Variants in COL28A1 observed in about 807,000 individuals in gnomAD.
COL28A1 encodes the protein collagen type XXVIII alpha 1 chain, also known as collagen alpha-1(XXVIII) chain.
A neutral mutation model predicts 150.2 loss-of-function variants in COL28A1; 161 were observed. The observed-to-expected ratio is 1.07, with a 90% CI of 0.94 to 1.22. The LOEUF is 1.22. Ranked by LOEUF, COL28A1 falls within the 50% of genes most tolerant of loss-of-function variation. The probability of loss-of-function intolerance (pLI) is 0.00; values close to 1 mark genes in which losing one functional copy is unlikely to be tolerated. For missense variants in COL28A1, 1,617 were observed against 1,388.3 expected, an observed-to-expected ratio of 1.16 and a Z score of -2.62; for synonymous variants, 552 against 469.7, an observed-to-expected ratio of 1.18 and a Z score of -2.26.
chr7:7,435,240 G>A (rs1281566847), intron 23 of COL28A1, among the ~76,000 whole-genome samples: 4 of 152,098 alleles, frequency 2.6e-5, no homozygotes, highest in East Asian at 1.9e-4. Context: ...TGTATAAATC[G>A]GATTGTGAAT....
intron 27 of COL28A1, among the ~76,000 whole-genome samples, chr7:7,389,371 C>T (rs1353073012): frequency 6.6e-6 from 1 of 152,138 alleles, no homozygotes; most frequent in African/African-American, 2.4e-5. Context: ...TGTTTTGGTA[C>T]CAATACCATG....
chr7:7,518,668 T>C (rs1419167364), intron 6 of COL28A1, among the ~76,000 whole-genome samples: 2 of 152,192 alleles, frequency 1.3e-5, no homozygotes, highest in Admixed American at 1.3e-4. Flanking sequence ...ACTGCCACAT[T>C]GCTATCACTA....
At chr7:7,416,570 A>C (rs936708441) in intron 27 of COL28A1, among the ~76,000 whole-genome samples, 2 of 152,236 alleles carry the variant, frequency 1.3e-5, no homozygotes, top group Non-Finnish European at 2.9e-5. Flanking sequence ...CACAGAATTT[A>C]AAGATTAAGT....
chr7:7,515,737 T>C (rs1583548824), intron 8 of COL28A1, 77 bp downstream of exon 8: 1 of 783,038 alleles, frequency 1.3e-6, no homozygotes, highest in East Asian at 2.4e-5. Flanking sequence ...ATAACTTTTA[T>C]TAAGTTCCTA....
chr7:7,423,634 T>C (rs909060823), intron 25 of COL28A1, among the ~76,000 whole-genome samples: 1 of 152,148 alleles, frequency 6.6e-6, no homozygotes, highest in Non-Finnish European at 1.5e-5. Flanking sequence ...AAGAAAAAAT[T>C]TGACACTGTA....
chr7:7,353,717 C>T (rs1393020723), downstream of COL28A1, among the ~76,000 whole-genome samples: 1 of 152,110 alleles, frequency 6.6e-6, no homozygotes, highest in African/African-American at 2.4e-5. Context: ...GGGACAAACA[C>T]CCAAGTCAAC....
At chr7:7,347,488 C>A in the COL28A1 span, among the ~76,000 whole-genome samples, 5 of 152,120 alleles carry the variant, frequency 3.3e-5, no homozygotes, top group African/African-American at 1.2e-4. Context: ...GTTCCTCTCT[C>A]TTCTGGCTAC....
At chr7:7,542,736 A>T in the COL28A1 span, among the ~76,000 whole-genome samples, 2 of 152,200 alleles carry the variant, frequency 1.3e-5, no homozygotes, top group Non-Finnish European at 2.9e-5. Context: ...CTTTCATGCT[A>T]GGAAAATCAC....
the COL28A1 span, among the ~76,000 whole-genome samples, chr7:7,340,446 A>G: frequency 1.3e-5 from 2 of 152,074 alleles, no homozygotes; most frequent in African/African-American, 4.8e-5. Flanking sequence ...TAAACTTTCC[A>G]GCTCACTGTG....
At chr7:7,443,486 T>A in intron 20 of COL28A1, 99 bp downstream of exon 20, 2 of 1,545,280 alleles carry the variant, frequency 1.3e-6, no homozygotes, top group Admixed American at 1.9e-5. Context: ...CATAAACACA[T>A]TGACATAGTA....
At chr7:7,497,094 A>AAAAGAAGG (rs1780256477) in intron 11 of COL28A1, among the ~76,000 whole-genome samples, 1 of 123,770 alleles carries the variant, frequency 8.1e-6, no homozygotes, top group South Asian at 3.0e-4. Flanking sequence ...AGGAAGGAAG[A>AAAAGAAGG]AAGGAAGGAA....
intron 19 of COL28A1, 99 bp from the exon 20 acceptor site, chr7:7,443,752 A>AG: frequency 6.6e-7 from 1 of 1,509,702 alleles, no homozygotes; most frequent in Non-Finnish European, 8.9e-7. Context: ...GATTCAGCTG[A>AG]GACTCTCCAA....
intron 21 of COL28A1, among the ~76,000 whole-genome samples, chr7:7,438,143 T>A (rs963332086): frequency 2.2e-4 from 34 of 151,386 alleles, no homozygotes; most frequent in Non-Finnish European, 8.8e-5. Context: ...TCCCAGCTAC[T>A]CAAGAGGCTG....
chr7:7,460,192 T>G (rs1482240953), intron 15 of COL28A1, among the ~76,000 whole-genome samples: 1 of 152,222 alleles, frequency 6.6e-6, no homozygotes, highest in African/African-American at 2.4e-5. Context: ...TCGTATGTGG[T>G]CTTCCTTCCT....
intron 27 of COL28A1, among the ~76,000 whole-genome samples, chr7:7,384,316 T>C (rs1782060100): frequency 6.6e-6 from 1 of 152,196 alleles, no homozygotes; most frequent in African/African-American, 2.4e-5. Context: ...GCTTCCTCTG[T>C]TAGTTGCTTA....
intron 11 of COL28A1, among the ~76,000 whole-genome samples, chr7:7,500,702 G>A (rs1480662560): frequency 6.6e-6 from 1 of 150,796 alleles, no homozygotes; most frequent in Non-Finnish European, 1.5e-5. Context: ...GTGTAGGGAC[G>A]TTTAGCATGC....
chr7:7,382,598 C>T (rs954694843), intron 27 of COL28A1, among the ~76,000 whole-genome samples: 1 of 152,128 alleles, frequency 6.6e-6, no homozygotes, highest in Admixed American at 6.5e-5. Flanking sequence ...AGTTCTAATG[C>T]TCCTTGGATC....
the COL28A1 span, among the ~76,000 whole-genome samples, chr7:7,543,628 G>T: frequency 2.0e-5 from 3 of 152,044 alleles, no homozygotes; most frequent in African/African-American, 7.2e-5. Flanking sequence ...ATACCACTAT[G>T]CAGGATTTCC....
intron 13 of COL28A1, among the ~76,000 whole-genome samples, chr7:7,482,172 C>A (rs1779362150): frequency 6.6e-6 from 1 of 152,156 alleles, no homozygotes; most frequent in Non-Finnish European, 1.5e-5. Flanking sequence ...AAAGGACTTT[C>A]AGTAGAATCT....
Sources: gnomAD v4.1 joint callset for allele counts (sites outside exome capture counted in the v4.1 genomes callset) on GRCh38, gnomAD v4.1.1 for gene constraint, MANE v1.5 for transcripts, NCBI Gene and HGNC (gene_info 2026-07-23, HGNC 2026-07-21) for gene names.